FAF1: variants seen among roughly 807,000 people sequenced by gnomAD.
FAF1 encodes the protein Fas associated factor 1, also known as FAS-associated factor 1.
FAF1 carries 25 observed loss-of-function variants against 92.5 expected under a neutral mutation model. The ratio of observed to expected loss-of-function variants is 0.27; its 90% CI spans 0.20 to 0.38. FAF1 has a LOEUF of 0.38. FAF1 is among the 10% of genes least tolerant of loss of function. The pLI is 1.00. For synonymous variants in FAF1, 234 were observed against 273.2 expected, an observed-to-expected ratio of 0.86 and a Z score of 1.42; for missense variants, 636 against 793.3, an observed-to-expected ratio of 0.80 and a Z score of 2.38.
chr1:50,949,286 A>C (rs182743567), intron 1 of FAF1, among the ~76,000 whole-genome samples: 18 of 152,370 alleles, frequency 1.2e-4, no homozygotes, highest in South Asian at 6.2e-4. Flanking sequence ...GATGCAAACT[A>C]AAGTTTGAGA....
At chr1:50,855,362 A>G (rs944457767) in intron 2 of FAF1, among the ~76,000 whole-genome samples, 1 of 151,814 alleles carries the variant, frequency 6.6e-6, no homozygotes, top group Admixed American at 6.6e-5. Flanking sequence ...ACAATTCCAG[A>G]TTGTAGTGCC....
chr1:50,669,344 C>G (rs1401046026), intron 7 of FAF1, among the ~76,000 whole-genome samples: 1 of 151,886 alleles, frequency 6.6e-6, no homozygotes. Flanking sequence ...GGAAAATCAC[C>G]ATTTAATAAG....
chr1:50,826,164 C>G (rs368348724), intron 2 of FAF1, among the ~76,000 whole-genome samples: 1 of 151,816 alleles, frequency 6.6e-6, no homozygotes, highest in African/African-American at 2.4e-5. Context: ...AAGATAAATA[C>G]GAAAAATTTT....
intron 8 of FAF1, among the ~76,000 whole-genome samples, chr1:50,639,045 T>C (rs941641850): frequency 1.3e-5 from 2 of 152,174 alleles, no homozygotes; most frequent in Non-Finnish European, 2.9e-5. Flanking sequence ...CTTTGGTTTT[T>C]CCACATTTCA....
chr1:50,517,539 T>C (rs535935630), intron 15 of FAF1, among the ~76,000 whole-genome samples: 1 of 152,318 alleles, frequency 6.6e-6, no homozygotes, highest in African/African-American at 2.4e-5. Context: ...CCCCATTTTA[T>C]TTAAGAGGAA....
chr1:50,882,885 C>G (rs551697518), intron 1 of FAF1, among the ~76,000 whole-genome samples: 1 of 151,188 alleles, frequency 6.6e-6, no homozygotes, highest in Non-Finnish European at 1.5e-5. Context: ...ACTCGGGAGG[C>G]TGAGGCAGGA....
chr1:50,761,677 T>C (rs1295714358), intron 4 of FAF1, among the ~76,000 whole-genome samples: 2 of 152,234 alleles, frequency 1.3e-5, no homozygotes, highest in Admixed American at 1.3e-4. Context: ...TCGGTATTGA[T>C]GGGACGTATC....
chr1:50,545,638 A>G (rs1291228221), intron 13 of FAF1, among the ~76,000 whole-genome samples: 3 of 148,706 alleles, frequency 2.0e-5, no homozygotes, highest in Non-Finnish European at 4.4e-5. Context: ...ATTAGTAAAG[A>G]AAAAAAACTG....
chr1:50,755,392 T>C (rs1004517969), intron 4 of FAF1, among the ~76,000 whole-genome samples: 2 of 152,204 alleles, frequency 1.3e-5, no homozygotes, highest in Non-Finnish European at 2.9e-5. Context: ...TAGGTCACAT[T>C]GATGCAAGAG....
At position 50,916,663 on chromosome 1, in the gene FAF1, G is replaced by C. The variant is rs969989406; in HGVS notation, c.45+43104C>G. On this transcript the variant is annotated intron_variant, in intron 1 of 18. Transcript: ENST00000396153. Reference sequence around the variant, plus strand: ...GCAAAGGTCTTGACAAATGAAAGGAGAGGAGCACTAACAAATCATAGATTG... The same window carrying C: ...GCAAAGGTCTTGACAAATGAAAGGACAGGAGCACTAACAAATCATAGATTG... Among the ~76,000 whole-genome samples, 32 of 152,206 alleles carry C rather than the reference G, an allele frequency of 2.1e-4. 1 individual carries two copies. Among genetic ancestry groups the C allele is most frequent in the Non-Finnish European group, 3.7e-4 (25 of 68,038 alleles).
At chr1:50,642,449 G>C (rs1414007521) in intron 8 of FAF1, among the ~76,000 whole-genome samples, 2 of 151,842 alleles carry the variant, frequency 1.3e-5, no homozygotes, top group African/African-American at 2.4e-5. Flanking sequence ...AGGAGTTTGA[G>C]ACCAGCTTGG....
intron 15 of FAF1, among the ~76,000 whole-genome samples, chr1:50,519,546 C>G (rs953850636): frequency 2.0e-5 from 3 of 152,048 alleles, no homozygotes; most frequent in African/African-American, 4.8e-5. Context: ...CTATATATGT[C>G]CAGGCATAAA....
intron 1 of FAF1, among the ~76,000 whole-genome samples, chr1:50,947,998 G>A (rs1246143322): frequency 1.3e-5 from 2 of 152,058 alleles, no homozygotes; most frequent in Non-Finnish European, 2.9e-5. Flanking sequence ...CAACAGAGCT[G>A]ACAGTACGAG....
intron 15 of FAF1, among the ~76,000 whole-genome samples, chr1:50,516,088 G>A (rs925103475): frequency 2.0e-5 from 3 of 152,146 alleles, no homozygotes; most frequent in African/African-American, 4.8e-5. Flanking sequence ...TGAAGTACGT[G>A]AGGCACAGAA....
chr1:50,701,487 A>G (rs1434567429), intron 7 of FAF1, among the ~76,000 whole-genome samples: 1 of 152,144 alleles, frequency 6.6e-6, no homozygotes, highest in Non-Finnish European at 1.5e-5. Context: ...TAGAACATCA[A>G]TAATTAGCAC....
intron 1 of FAF1, among the ~76,000 whole-genome samples, chr1:50,925,308 A>G (rs528446615): frequency 6.6e-6 from 1 of 152,334 alleles, no homozygotes; most frequent in South Asian, 2.1e-4. Context: ...ACAAGAATAG[A>G]CAAATGGGAC....
At chr1:50,887,225 T>C (rs1644673848) in intron 1 of FAF1, among the ~76,000 whole-genome samples, 2 of 152,112 alleles carry the variant, frequency 1.3e-5, no homozygotes, top group African/African-American at 4.8e-5. Flanking sequence ...GTTGATGGGG[T>C]TGTTGTTTTC....
chr1:50,867,002 T>A (rs1033506906), intron 1 of FAF1, among the ~76,000 whole-genome samples: 6 of 152,060 alleles, frequency 3.9e-5, no homozygotes, highest in African/African-American at 1.4e-4. Flanking sequence ...TATAGACCAA[T>A]GCAACAGAAT....
chr1:50,760,590 G>T (rs1468260610), intron 4 of FAF1, among the ~76,000 whole-genome samples: 1 of 152,050 alleles, frequency 6.6e-6, no homozygotes, highest in Admixed American at 6.6e-5. Flanking sequence ...AATGACTACT[G>T]GGTACCTAAC....
Sources: gnomAD v4.1 joint callset for allele counts (sites outside exome capture counted in the v4.1 genomes callset) on GRCh38, gnomAD v4.1.1 for gene constraint, MANE v1.5 for transcripts, NCBI Gene and HGNC (gene_info 2026-07-23, HGNC 2026-07-21) for gene names.